The following RHOBTB1 variants were observed in gnomAD, a reference collection of about 807,000 sequenced individuals.
The protein encoded by RHOBTB1 is Rho related BTB domain containing 1.
In RHOBTB1, 40 loss-of-function variants were observed where a neutral mutation model predicts 71.6. The ratio of observed to expected loss-of-function variants is 0.56; its 90% CI spans 0.43 to 0.73. The LOEUF (loss-of-function observed/expected upper bound fraction) is 0.73. Among genes scored for constraint, RHOBTB1 ranks in the 30% least tolerant of loss-of-function variants. The probability of loss-of-function intolerance (pLI) is 0.00; values close to 1 mark genes in which losing one functional copy is unlikely to be tolerated. For missense variants in RHOBTB1, 797 were observed against 894.0 expected (o/e 0.89, Z 1.38); for synonymous variants, 319 against 334.9 (o/e 0.95, Z 0.52).
intron 2 of RHOBTB1, among the ~76,000 whole-genome samples, chr10:60,977,157 G>A (rs889210917): frequency 1.6e-4 from 25 of 151,948 alleles, no homozygotes; most frequent in African/African-American, 6.0e-4. Context: ...TCTCTAAATT[G>A]TAGCATTAGA....
chr10:60,893,367 C>T (rs994461136), intron 4 of RHOBTB1, among the ~76,000 whole-genome samples: 1 of 152,206 alleles, frequency 6.6e-6, no homozygotes, highest in Admixed American at 6.5e-5. Flanking sequence ...ATACAAACTA[C>T]CTTTCACCAG....
intron 2 of RHOBTB1, among the ~76,000 whole-genome samples, chr10:60,979,770 T>A (rs2086432765): frequency 6.6e-6 from 1 of 152,074 alleles, no homozygotes. Flanking sequence ...CTAGGAAGTG[T>A]GGGAAGAGAT....
At chr10:60,916,139 C>T (rs1212463276) in intron 2 of RHOBTB1, among the ~76,000 whole-genome samples, 1 of 152,144 alleles carries the variant, frequency 6.6e-6, no homozygotes, top group South Asian at 2.1e-4. Flanking sequence ...CTGCTTCGCC[C>T]AAAAGAATGT....
intron 1 of RHOBTB1, among the ~76,000 whole-genome samples, chr10:60,987,961 T>G: frequency 8.1e-6 from 1 of 123,308 alleles, no homozygotes; most frequent in African/African-American, 3.2e-5. Flanking sequence ...TAAGACCGAG[T>G]CTCGCTCTGT....
At position 60,869,678 on chromosome 10, in the gene RHOBTB1, T is replaced by C. The variant is rs2080689715; in HGVS notation, c.*1804A>G. ...GTAAAATTTCAACTATGACTACTCA[T>C]TGAAAACTCATCTTCTACCATTTTA... is the stretch of plus-strand genomic sequence containing the variant. On this transcript the variant is annotated 3_prime_UTR_variant, in exon 11 of 11. Coordinates refer to ENST00000337910, the MANE Select transcript of RHOBTB1 (RefSeq NM_014836.5). The C allele has an allele frequency of 6.6e-6, 1 of 152,668 alleles. No homozygotes were observed. The highest frequency in any genetic ancestry group is 2.1e-4 in the South Asian group (1 of 4,834). The allele number at this position is 152,668 out of a possible 1,614,324, so 9.5% of individuals were successfully genotyped here.
intron 9 of RHOBTB1, 25 bp downstream of exon 9, chr10:60,874,929 A>G (rs749660433): frequency 6.7e-7 from 1 of 1,500,504 alleles, no homozygotes. Context: ...CACACTTAAA[A>G]GGTAAAAAGC....
chr10:60,888,597 C>T lies in RHOBTB1; in HGVS notation c.1071G>A (p.Leu357=). ...GAACTGCACCCTCGGCTTCCAGCCCCAGAGCCTCCACCAGGCTCTTGTTTG... is the reference window on the plus strand; with the variant it reads ...GAACTGCACCCTCGGCTTCCAGCCCTAGAGCCTCCACCAGGCTCTTGTTTG... ...KSSNKSLVEA[L]GLEAEGAVPE... is the part of the protein sequence containing the mutation. The change falls in exon 6 of 11, where the codon CTG becomes CTA. Residue 357 remains leucine (L), a synonymous_variant. Transcript: ENST00000337910. The T allele has an allele frequency of 6.2e-7, 1 of 1,614,206 alleles. No individual in the cohort carries two copies. Among genetic ancestry groups the T allele is most frequent in the African/African-American group, 1.3e-5 (1 of 75,066 alleles).
intron 4 of RHOBTB1, among the ~76,000 whole-genome samples, chr10:60,904,336 A>G (rs953304668): frequency 8.5e-5 from 13 of 152,242 alleles, no homozygotes; most frequent in Admixed American, 2.6e-4. Flanking sequence ...ATTTTGACAT[A>G]CGTATTCCCC....
intron 4 of RHOBTB1, among the ~76,000 whole-genome samples, chr10:60,896,865 T>C (rs981762067): frequency 4.6e-5 from 7 of 152,132 alleles, no homozygotes; most frequent in African/African-American, 1.4e-4. Flanking sequence ...TCTTGTTTCA[T>C]AGAGGAGTGG....
chr10:60,937,072 G>A (rs74411406), intron 2 of RHOBTB1, among the ~76,000 whole-genome samples: 1 of 152,130 alleles, frequency 6.6e-6, no homozygotes, highest in Non-Finnish European at 1.5e-5. Context: ...GGAAGAACAG[G>A]TACAAGTATT....
rs183255103 is a variant in RHOBTB1 at position 60,932,368 on chromosome 10, C to A, written c.-11+9436G>T. 4.4e-3 allele frequency among the ~76,000 whole-genome samples: 667 copies of A among 151,236 alleles called. 2 individuals carry two copies. Among genetic ancestry groups the A allele is most frequent in the Non-Finnish European group, 7.4e-3 (501 of 67,872 alleles). On this transcript the variant is annotated intron_variant, in intron 2 of 10. Transcript: ENST00000337910. ...CACTGAGGGTGGAGTGGGGTGGTGA[C>A]CAGAAGTAGGGCACTGGTGGTGTAC...
In RHOBTB1 at chr10:60,872,279, G is replaced by A; in HGVS notation, c.1827C>T (p.Ala609=). 6.2e-7 allele frequency: 1 copy of A among 1,613,488 alleles called. No individual in the cohort carries two copies. The change falls in exon 10 of 11, where the codon GCC becomes GCT. Residue 609 remains alanine, a synonymous_variant. Coordinates refer to ENST00000337910, the MANE Select transcript of RHOBTB1 (RefSeq NM_014836.5). ...GCAAACACCAGGCGGCCAACTGGTGGGCATTGTGAAACTGCAGAAAAGTGA... is the reference window on the plus strand; with the variant it reads ...GCAAACACCAGGCGGCCAACTGGTGAGCATTGTGAAACTGCAGAAAAGTGA... The part of the protein sequence containing the change: ...SYLELAQFHN[A]HQLAAWCLHH...
At chr10:60,998,495 T>C (rs1167839827) in intron 1 of RHOBTB1, among the ~76,000 whole-genome samples, 1 of 152,156 alleles carries the variant, frequency 6.6e-6, no homozygotes, top group East Asian at 1.9e-4. Context: ...CTTCGGTTTG[T>C]AATCGGCTCC....
rs2081745164 is a variant in RHOBTB1 at position 60,888,742 on chromosome 10, C to T, written c.926G>A (p.Gly309Glu). Reference protein sequence around the residue: ...ECEESPNGSEGACEKEKQSRD... With the variant: ...ECEESPNGSEEACEKEKQSRD... ...GCTCTGCTTCTCTTTCTCACAGGCT[C>T]CTTCACTCCCATTTGGGGATTCTTC... Residue 309 changes from glycine to glutamate, a missense_variant, in exon 6 of 11, where the codon GGA becomes GAA. Transcript: ENST00000337910. 1 of 1,614,058 alleles carries T rather than the reference C, an allele frequency of 6.2e-7. No homozygotes were observed. Among genetic ancestry groups the T allele is most frequent in the African/African-American group, 1.3e-5 (1 of 74,924 alleles).
chr10:60,973,680 A>T (rs2086233119), intron 2 of RHOBTB1, among the ~76,000 whole-genome samples: 1 of 152,084 alleles, frequency 6.6e-6, no homozygotes, highest in South Asian at 2.1e-4. Flanking sequence ...ATGGGAAAAG[A>T]ACATAGATTC....
upstream of RHOBTB1, among the ~76,000 whole-genome samples, chr10:60,946,428 G>T (rs189166789): frequency 3.0e-4 from 45 of 152,268 alleles, no homozygotes; most frequent in African/African-American, 8.9e-4. Context: ...TCATATGTGG[G>T]GGGGCACAGG....
intron 2 of RHOBTB1, among the ~76,000 whole-genome samples, chr10:60,965,654 G>A (rs943074199): frequency 5.9e-5 from 9 of 152,142 alleles, no homozygotes; most frequent in Non-Finnish European, 1.3e-4. Flanking sequence ...ATAACTGAAT[G>A]AATGAATGAA....
chr10:60,897,729 T>A (rs2082226200), intron 4 of RHOBTB1, among the ~76,000 whole-genome samples: 1 of 152,104 alleles, frequency 6.6e-6, no homozygotes, highest in Non-Finnish European at 1.5e-5. Flanking sequence ...TTTTTTGAGA[T>A]GGAGTCTTGC....
upstream of RHOBTB1, among the ~76,000 whole-genome samples, chr10:60,947,316 CTT>C (rs2085270942): frequency 6.6e-6 from 1 of 152,136 alleles, no homozygotes; most frequent in African/African-American, 2.4e-5. Flanking sequence ...TCTTTAAACA[CTT>C]TTCATGTTTC....
Sources: gnomAD v4.1 joint callset for allele counts (sites outside exome capture counted in the v4.1 genomes callset) on GRCh38, gnomAD v4.1.1 for gene constraint, MANE v1.5 for transcripts, NCBI Gene and HGNC (gene_info 2026-07-23, HGNC 2026-07-21) for gene names.